PCDHGA2: variants seen among roughly 807,000 people sequenced by gnomAD.
PCDHGA2 encodes the protein protocadherin gamma-A2.
PCDHGA2 carries 40 observed loss-of-function variants against 59.2 expected under a neutral mutation model. The observed-to-expected ratio is 0.68, with a 90% CI of 0.52 to 0.88. The LOEUF (loss-of-function observed/expected upper bound fraction) is 0.88. PCDHGA2 is among the 40% of genes least tolerant of loss of function. The pLI, the probability that PCDHGA2 is intolerant of heterozygous loss-of-function variation, is 0.00. For missense variants in PCDHGA2, 1,226 were observed against 1,204.0 expected (o/e 1.02, Z -0.27); for synonymous variants, 560 against 526.0 (o/e 1.06, Z -0.89).
chr5:141,415,315 G>T (rs201784236), intron 1 of PCDHGA2: 14 of 1,614,208 alleles, frequency 8.7e-6, no homozygotes, highest in African/African-American at 4.0e-5. Context: ...CTTCGTCATC[G>T]TGCTGCTGGC....
chr5:141,480,065 A>G (rs2099511928), intron 1 of PCDHGA2, among the ~76,000 whole-genome samples: 1 of 152,220 alleles, frequency 6.6e-6, no homozygotes, highest in Non-Finnish European at 1.5e-5. Flanking sequence ...TAAGTGTTTT[A>G]TAAGATTCAT....
Position 141,477,657 on chromosome 5 carries a change from G to C in PCDHGA2, c.2425-17150G>C. 4 of 1,614,190 alleles carry C rather than the reference G, an allele frequency of 2.5e-6. No individual in the cohort carries two copies. Among genetic ancestry groups the C allele is most frequent in the Non-Finnish European group, 3.4e-6 (4 of 1,180,038 alleles). The stretch of plus-strand genomic sequence containing the variant: ...GTGGGTCGCTATTTCACAATAAATC[G>C]TGACAATGGCATAGTGTCATCCTTA... On this transcript the variant is annotated intron_variant, in intron 1 of 3. Coordinates refer to ENST00000394576, the MANE Select transcript of PCDHGA2 (RefSeq NM_018915.4). The surrounding 1 kb of genome is among the most constrained non-coding windows in gnomAD (Gnocchi z 4.9).
intron 1 of PCDHGA2, among the ~76,000 whole-genome samples, chr5:141,358,416 G>T (rs1760910667): frequency 6.6e-6 from 1 of 152,090 alleles, no homozygotes; most frequent in South Asian, 2.1e-4. Context: ...TTCCTTGAAA[G>T]GGTATTTTCC....
At chr5:141,506,636 C>T (rs1421676205) in intron 3 of PCDHGA2, among the ~76,000 whole-genome samples, 2 of 152,020 alleles carry the variant, frequency 1.3e-5, no homozygotes, top group South Asian at 2.1e-4. Context: ...AATGCAAGTC[C>T]CTCAGCACAG....
At chr5:141,389,281 G>T in intron 1 of PCDHGA2, 2 of 1,614,012 alleles carry the variant, frequency 1.2e-6, no homozygotes, top group Non-Finnish European at 1.7e-6. Context: ...AACCCGCCTG[G>T]AGCCTCTATT....
intron 1 of PCDHGA2, chr5:141,390,545 A>G (rs62378444): frequency 2.0e-6 from 1 of 505,936 alleles, no homozygotes; most frequent in African/African-American, 1.9e-5. Context: ...CCACAAAGTG[A>G]AAGTGTTAGA....
intron 1 of PCDHGA2, chr5:141,419,406 C>A (rs367731612): frequency 1.9e-6 from 3 of 1,613,404 alleles, no homozygotes; most frequent in Non-Finnish European, 2.5e-6. Context: ...GTGGTGTTCG[C>A]GCAGCGCGCC....
At position 141,356,613 on chromosome 5, in the gene PCDHGA2, C is replaced by T. The variant is rs756162558; in HGVS notation, c.2424+15218C>T. On this transcript the variant is annotated intron_variant, in intron 1 of 3. Transcript: ENST00000394576. ...AAAACAACCCCAGAGGAGCCTCCAT[C>T]TTATCTATGACTGCTCAAGACCCTG... is the stretch of plus-strand genomic sequence containing the variant. 5 of 1,614,220 alleles carry T rather than the reference C, an allele frequency of 3.1e-6. No homozygotes were observed. In the Admixed American group the frequency reaches 6.7e-5, roughly 22 times the overall value.
intron 1 of PCDHGA2, among the ~76,000 whole-genome samples, chr5:141,437,922 G>A (rs1039507511): frequency 1.3e-5 from 2 of 152,106 alleles, no homozygotes; most frequent in Admixed American, 6.5e-5. Context: ...ATTTTTAGTA[G>A]AGATGGGGTT....
intron 1 of PCDHGA2, chr5:141,346,614 A>T: frequency 1.8e-6 from 2 of 1,109,334 alleles, no homozygotes; most frequent in Non-Finnish European, 1.3e-6. Flanking sequence ...CTATAGTAGG[A>T]CTGCACTCCC....
chr5:141,465,858 C>T (rs2099110865), intron 1 of PCDHGA2, among the ~76,000 whole-genome samples: 1 of 152,034 alleles, frequency 6.6e-6, no homozygotes, highest in African/African-American at 2.4e-5. Context: ...CCCAGTGGCT[C>T]ATGCCTGTAA....
rs141605264 is a variant in PCDHGA2, at chr5:141,479,755, A to C, written c.2425-15052A>C. The C allele has an allele frequency of 2.6e-3, 390 of 152,364 alleles. 2 individuals are homozygous for C. The highest frequency in any genetic ancestry group is 9.1e-3 in the African/African-American group (378 of 41,580). 9.4% of individuals were successfully genotyped at this position (152,364 alleles called of 1,614,324 possible). On this transcript the variant is annotated intron_variant, in intron 1 of 3. Coordinates refer to ENST00000394576, the MANE Select transcript of PCDHGA2 (RefSeq NM_018915.4). ...AGTATATGCACAATGTGAAAGGTAG[A>C]TAAATTCATATCCTTAGACAGGTAA...
chr5:141,447,966 A>C (rs2098556806), intron 1 of PCDHGA2, among the ~76,000 whole-genome samples: 1 of 151,922 alleles, frequency 6.6e-6, no homozygotes, highest in Non-Finnish European at 1.5e-5. Context: ...GACACCTATA[A>C]TCCCAGCTAC....
rs2099391747 is a variant in PCDHGA2 at position 141,476,440 on chromosome 5, G to A, written c.2425-18367G>A. Reference sequence around the variant, plus strand: ...CACTGCCCTCTTGCACTGTAACTCTGGAGTTGGTAGTGGAGAACCCGCTGG... The same window carrying A: ...CACTGCCCTCTTGCACTGTAACTCTAGAGTTGGTAGTGGAGAACCCGCTGG... On this transcript the variant is annotated intron_variant, in intron 1 of 3. Transcript: ENST00000394576. The surrounding 1 kb of genome is among the most constrained non-coding windows in gnomAD (Gnocchi z 7.6). 1.2e-6 allele frequency: 2 copies of A among 1,613,998 alleles called. No individual in the cohort carries two copies. Among genetic ancestry groups the A allele is most frequent in the African/African-American group, 2.7e-5 (2 of 74,902 alleles).
chr5:141,505,246 G>C, intron 2 of PCDHGA2, 147 bp from the exon 3 acceptor site: 2 of 1,436,674 alleles, frequency 1.4e-6, no homozygotes, highest in Non-Finnish European at 1.9e-6. Flanking sequence ...AAGGATTGTA[G>C]AAGTGCCTCC....
Position 141,365,034 on chromosome 5 carries a change from C to T in PCDHGA2, c.2424+23639C>T, listed in dbSNP as rs759635927. The T allele has an allele frequency of 8.7e-6, 14 of 1,613,758 alleles. No homozygotes were observed. The African/African-American group carries it at 1.7e-4, about 20-fold the overall frequency. ...CACATCCGTGTTACGGTCCTCGACGCAAACGACAATGCGCCCCTGTTCACC... is the reference window on the plus strand; with the variant it reads ...CACATCCGTGTTACGGTCCTCGACGTAAACGACAATGCGCCCCTGTTCACC... On this transcript the variant is annotated intron_variant, in intron 1 of 3. Coordinates refer to ENST00000394576, the MANE Select transcript of PCDHGA2 (RefSeq NM_018915.4).
chr5:141,360,115 AG>A, intron 1 of PCDHGA2: 1 of 1,568,846 alleles, frequency 6.4e-7, no homozygotes, highest in Non-Finnish European at 8.7e-7. Flanking sequence ...CTATGGGCAA[AG>A]GAGCAAAGGG....
intron 1 of PCDHGA2, among the ~76,000 whole-genome samples, chr5:141,451,138 A>T (rs1348825654): frequency 6.6e-6 from 1 of 152,242 alleles, no homozygotes; most frequent in East Asian, 1.9e-4. Flanking sequence ...TTATGATTGT[A>T]TTTAGACTAG....
At chr5:141,356,618 C>T (rs1431984672) in intron 1 of PCDHGA2, 3 of 1,614,090 alleles carry the variant, frequency 1.9e-6, no homozygotes, top group Admixed American at 3.3e-5. Context: ...TCCATCTTAT[C>T]TATGACTGCT....
Sources: allele counts gnomAD v4.1 joint callset (sites outside exome capture counted in the v4.1 genomes callset), GRCh38; gene constraint gnomAD v4.1.1; non-coding constraint Gnocchi (gnomAD v3.1); transcripts MANE v1.5; gene names NCBI Gene and HGNC (gene_info 2026-07-23, HGNC 2026-07-21).